The following SPOPL variants were observed in gnomAD, a reference collection of about 807,000 sequenced individuals.
SPOPL encodes speckle type BTB/POZ protein like, also known as speckle-type POZ protein-like.
In SPOPL, 23 loss-of-function variants were observed where a neutral mutation model predicts 53.8. The ratio of observed to expected loss-of-function variants is 0.43; its 90% CI spans 0.31 to 0.61. The LOEUF (loss-of-function observed/expected upper bound fraction) is 0.61, where lower values mean the gene tolerates loss of function less well. Among genes scored for constraint, SPOPL ranks in the 20% least tolerant of loss-of-function variants. SPOPL has a pLI of 0.12. For synonymous variants in SPOPL, 164 were observed against 149.7 expected (o/e 1.10, Z -0.70); for missense variants, 442 against 466.9 (o/e 0.95, Z 0.49).
At chr2:138,561,664 AAACTT>A (rs1282628844) in intron 8 of SPOPL, among the ~76,000 whole-genome samples, 4 of 152,292 alleles carry the variant, frequency 2.6e-5, no homozygotes, top group African/African-American at 7.2e-5. Flanking sequence ...GTCTCAATAA[AAACTT>A]AAATTAAAAA....
At position 138,569,168 on chromosome 2, in the gene SPOPL, TGTTTC is replaced by T; in HGVS notation, c.*89_*93del. ...TAATACACAAACCATAAGCAAGAGT[TGTTTC>T]TGTTATTTTGTCCACAGAACAGAAG... On this transcript the variant is annotated 3_prime_UTR_variant, in exon 11 of 11. Transcript: ENST00000280098. 7.0e-7 allele frequency: 1 copy of T among 1,427,018 alleles called. No individual in the cohort carries two copies. The highest frequency in any genetic ancestry group is 9.6e-7 in the Non-Finnish European group (1 of 1,045,506). 88.4% of individuals were successfully genotyped at this position (1,427,018 alleles called of 1,614,324 possible).
At chr2:138,509,279 C>T (rs929729580) in intron 1 of SPOPL, among the ~76,000 whole-genome samples, 16 of 151,902 alleles carry the variant, frequency 1.1e-4, no homozygotes, top group African/African-American at 3.6e-4. Flanking sequence ...TGCTTTCATC[C>T]TATAGTAGAT....
intron 1 of SPOPL, 108 bp from the exon 2 acceptor site, chr2:138,550,049 A>T (rs1685280372): frequency 1.9e-6 from 1 of 518,734 alleles, no homozygotes; most frequent in Non-Finnish European, 3.4e-6. Flanking sequence ...GTTCCTTCAT[A>T]ATCTAGTTTG....
chr2:138,514,414 T>C (rs1409423423), intron 1 of SPOPL, among the ~76,000 whole-genome samples: 2 of 152,194 alleles, frequency 1.3e-5, no homozygotes, highest in South Asian at 2.1e-4. Flanking sequence ...TTGAATACAA[T>C]GGGAAGCAGG....
chr2:138,535,012 A>T (rs1684896904), intron 1 of SPOPL, among the ~76,000 whole-genome samples: 1 of 152,114 alleles, frequency 6.6e-6, no homozygotes, highest in South Asian at 2.1e-4. Context: ...GCACTTTGGG[A>T]GGCTGAGCTG....
intron 1 of SPOPL, among the ~76,000 whole-genome samples, chr2:138,505,430 A>G (rs1398187871): frequency 2.0e-5 from 3 of 151,770 alleles, no homozygotes; most frequent in African/African-American, 7.3e-5. Flanking sequence ...GTATTCATGG[A>G]GGCAGAAGTC....
chr2:138,550,549 G>A lies in SPOPL; in HGVS notation c.145G>A (p.Gly49Ser). Reference sequence around the variant, plus strand: ...CTTCAGTTTTTGTCGAGAGGAAATGGGTGAAGTGTTAAAAAGTTCAACATT... The same window carrying A: ...CTTCAGTTTTTGTCGAGAGGAAATGAGTGAAGTGTTAAAAAGTTCAACATT... ...NNFSFCREEM[G>S]EVLKSSTFSS... Residue 49 changes from glycine (G) to serine (S), a missense_variant, in exon 3 of 11, where the codon GGT becomes AGT. Physicochemically the swap from Gly to Ser is moderately conservative, Grantham distance 56. Transcript: ENST00000280098. The A allele has an allele frequency of 6.2e-7, 1 of 1,611,424 alleles. No individual in the cohort carries two copies. The highest frequency in any genetic ancestry group is 2.2e-5 in the East Asian group (1 of 44,784).
chr2:138,550,116 T>C, intron 1 of SPOPL, 41 bp from the exon 2 acceptor site: 1 of 1,016,276 alleles, frequency 9.8e-7, no homozygotes, highest in Non-Finnish European at 1.5e-6. Flanking sequence ...TTCTGTCGTT[T>C]AAACTTTTTA....
At chr2:138,502,727 C>T (rs996240546) in intron 1 of SPOPL, among the ~76,000 whole-genome samples, 1 of 152,148 alleles carries the variant, frequency 6.6e-6, no homozygotes, top group Admixed American at 6.5e-5. Flanking sequence ...AAGCTAACCG[C>T]GCGGTTCGGG....
At chr2:138,559,428 GTCA>G in intron 7 of SPOPL, 91 bp downstream of exon 7, 10 of 1,344,138 alleles carry the variant, frequency 7.4e-6, no homozygotes, top group Non-Finnish European at 1.0e-5. Context: ...TGTTCTCATT[GTCA>G]TACTGTGATA....
At chr2:138,535,555 C>CTTTTTTTTTTTTT (rs539254466) in intron 1 of SPOPL, among the ~76,000 whole-genome samples, 8 of 86,934 alleles carry the variant, frequency 9.2e-5, no homozygotes, top group African/African-American at 2.3e-4. Flanking sequence ...ATTCTAGTAG[C>CTTTTTTTTTTTTT]TTTTTTTTTT....
intron 1 of SPOPL, among the ~76,000 whole-genome samples, chr2:138,519,007 A>G (rs923669663): frequency 6.6e-6 from 1 of 152,130 alleles, no homozygotes. Context: ...TTCCCATTCA[A>G]TATACCAGTC....
intron 4 of SPOPL, 126 bp from the exon 5 acceptor site, chr2:138,552,428 T>C (rs1685333035): frequency 8.9e-7 from 1 of 1,122,414 alleles, no homozygotes; most frequent in Non-Finnish European, 1.2e-6. Flanking sequence ...AACACAAATA[T>C]CGGTAACTTT....
chr2:138,566,676 A>G (rs1325712068), intron 10 of SPOPL, among the ~76,000 whole-genome samples: 3 of 152,212 alleles, frequency 2.0e-5, no homozygotes, highest in Admixed American at 2.0e-4. Context: ...GCTACTATTT[A>G]GTTCAGCAGA....
intron 8 of SPOPL, chr2:138,564,480 C>T: frequency 2.2e-6 from 1 of 464,598 alleles, no homozygotes; most frequent in South Asian, 3.9e-5. Context: ...AATCCTACTT[C>T]AAAAATACGC....
intron 1 of SPOPL, among the ~76,000 whole-genome samples, chr2:138,515,859 CA>C (rs949113362): frequency 1.3e-5 from 2 of 152,150 alleles, no homozygotes; most frequent in African/African-American, 4.8e-5. Context: ...CTTACTGCTG[CA>C]AAGTACTGTT....
chr2:138,533,691 A>G (rs899010539), intron 1 of SPOPL, among the ~76,000 whole-genome samples: 1 of 152,106 alleles, frequency 6.6e-6, no homozygotes, highest in Non-Finnish European at 1.5e-5. Context: ...TATGTTATAT[A>G]TTATATTAAC....
intron 1 of SPOPL, among the ~76,000 whole-genome samples, chr2:138,531,500 C>T (rs781256799): frequency 9.9e-5 from 15 of 152,096 alleles, no homozygotes; most frequent in Admixed American, 3.9e-4. Context: ...TTCTTACTTA[C>T]CTCTTCAAAT....
chr2:138,566,442 T>G (rs1486375854), intron 10 of SPOPL, among the ~76,000 whole-genome samples: 1 of 152,208 alleles, frequency 6.6e-6, no homozygotes, highest in African/African-American at 2.4e-5. Flanking sequence ...TGTATTCATA[T>G]TCATCAATAG....
Sources: allele counts gnomAD v4.1 joint callset (sites outside exome capture counted in the v4.1 genomes callset), GRCh38; gene constraint gnomAD v4.1.1; transcripts MANE v1.5; gene names NCBI Gene and HGNC (gene_info 2026-07-23, HGNC 2026-07-21).